SPG11: variants seen among roughly 807,000 people sequenced by gnomAD.
The protein encoded by SPG11 is spatacsin.
A neutral mutation model predicts 274.0 loss-of-function variants in SPG11; 222 were observed. The ratio of observed to expected loss-of-function variants is 0.81; its 90% CI spans 0.73 to 0.91. The LOEUF (loss-of-function observed/expected upper bound fraction) is 0.91. Ranked by LOEUF, SPG11 falls within the 40% of genes least tolerant of loss-of-function variation. SPG11 has a pLI of 0.00. For missense variants in SPG11, 3,114 were observed against 2,872.7 expected (o/e 1.08, Z -1.92); for synonymous variants, 1,144 against 1,039.7 (o/e 1.10, Z -1.93).
At chr15:44,579,429 A>C (rs568217653) in intron 30 of SPG11, among the ~76,000 whole-genome samples, 11 of 150,292 alleles carry the variant, frequency 7.3e-5, no homozygotes, top group Admixed American at 6.7e-5. Context: ...CGGGAGGCTG[A>C]GACAGGAGAA....
At chr15:44,621,482 CTA>C (rs1327852685) in intron 14 of SPG11, 1 of 413,752 alleles carries the variant, frequency 2.4e-6, no homozygotes, top group African/African-American at 2.0e-5. Flanking sequence ...AAGCTCAAGA[CTA>C]TTTGAAAAAA....
chr15:44,606,584 G>T (rs2083323775), intron 19 of SPG11, among the ~76,000 whole-genome samples: 1 of 152,148 alleles, frequency 6.6e-6, no homozygotes, highest in Non-Finnish European at 1.5e-5. Context: ...GGACCAAGGT[G>T]AAGTCAATCA....
chr15:44,592,611 G>A (rs2082931204), intron 26 of SPG11, among the ~76,000 whole-genome samples, 173 bp from the exon 27 acceptor site: 2 of 152,120 alleles, frequency 1.3e-5, no homozygotes, highest in South Asian at 4.1e-4. Flanking sequence ...CTAAGGCCAG[G>A]AGTTCGAGAC....
At chr15:44,625,817 T>C (rs555972955) in intron 11 of SPG11, among the ~76,000 whole-genome samples, 1 of 152,270 alleles carries the variant, frequency 6.6e-6, no homozygotes, top group African/African-American at 2.4e-5. Context: ...GTAGATGGGA[T>C]TACAGGCGCC....
chr15:44,644,392 C>T (rs2084546663), intron 7 of SPG11, among the ~76,000 whole-genome samples: 1 of 152,078 alleles, frequency 6.6e-6, no homozygotes, highest in Non-Finnish European at 1.5e-5. Context: ...GTTAAAAACC[C>T]TCAACAAACT....
chr15:44,602,051 T>C (rs2083205425), intron 20 of SPG11, among the ~76,000 whole-genome samples: 1 of 152,252 alleles, frequency 6.6e-6, no homozygotes, highest in South Asian at 2.1e-4. Context: ...AACACTGATT[T>C]TTGTATGTTG....
At chr15:44,660,253 A>G (rs1420003369) in intron 2 of SPG11, among the ~76,000 whole-genome samples, 179 bp downstream of exon 2, 2 of 152,184 alleles carry the variant, frequency 1.3e-5, no homozygotes. Flanking sequence ...TATATGACAC[A>G]AAGTACATCT....
intron 6 of SPG11, among the ~76,000 whole-genome samples, chr15:44,650,604 C>T (rs1215898727): frequency 2.7e-5 from 4 of 145,716 alleles, no homozygotes; most frequent in South Asian, 2.2e-4. Context: ...CCAGCCTGGG[C>T]GACAGAGTGA....
At chr15:44,622,900 T>C in intron 11 of SPG11, 101 bp from the exon 12 acceptor site, 1 of 859,750 alleles carries the variant, frequency 1.2e-6, no homozygotes, top group Non-Finnish European at 2.0e-6. Context: ...TATAAACATC[T>C]ATCTTGTTAG....
At chr15:44,610,222 A>T (rs1224216441) in intron 18 of SPG11, among the ~76,000 whole-genome samples, 2 of 143,350 alleles carry the variant, frequency 1.4e-5, no homozygotes, top group African/African-American at 2.6e-5. Context: ...TAATTTTTAA[A>T]TTTTTTTTTT....
At position 44,595,399 on chromosome 15, in the gene SPG11, C is replaced by T. The variant is rs1482181751; in HGVS notation, c.4495G>A (p.Ala1499Thr). The T allele has an allele frequency of 6.2e-7, 1 of 1,614,082 alleles. No homozygotes were observed. Among genetic ancestry groups the T allele is most frequent in the Non-Finnish European group, 8.5e-7 (1 of 1,180,050 alleles). ...TGAATGTGTCCCATTGCTTCAGTTG[C>T]AACATTGTCCTCCACAGAAGTGATG... ...WIITSVEDNV[A>T]TEAMGHIQDS... The change falls in exon 26 of 40, where the codon GCA becomes ACA. Residue 1499 changes from alanine to threonine, a missense_variant. By Grantham distance (58) the Ala-to-Thr change is moderately conservative. Transcript: ENST00000261866.
At chr15:44,599,298 T>C (rs2083123791) in intron 21 of SPG11, among the ~76,000 whole-genome samples, 1 of 152,124 alleles carries the variant, frequency 6.6e-6, no homozygotes, top group Admixed American at 6.6e-5. Context: ...CTATTTTTTA[T>C]TTTTATTATT....
At chr15:44,630,534 G>C (rs924683828) in intron 8 of SPG11, among the ~76,000 whole-genome samples, 1 of 152,184 alleles carries the variant, frequency 6.6e-6, no homozygotes, top group South Asian at 2.1e-4. Context: ...GGCAATTCAA[G>C]AAAGAGGAGA....
intron 30 of SPG11, among the ~76,000 whole-genome samples, chr15:44,576,412 G>A (rs1464461626): frequency 2.0e-5 from 3 of 151,776 alleles, no homozygotes; most frequent in Non-Finnish European, 4.4e-5. Flanking sequence ...ACTTTGGGAG[G>A]CTGAGGTGGG....
intron 19 of SPG11, among the ~76,000 whole-genome samples, chr15:44,606,854 A>G (rs545405599): frequency 6.6e-6 from 1 of 152,236 alleles, no homozygotes; most frequent in Non-Finnish European, 1.5e-5. Context: ...AAAGAGCAAC[A>G]TGAAACCACT....
intron 1 of SPG11, among the ~76,000 whole-genome samples, chr15:44,662,004 C>G (rs1327801630): frequency 1.3e-5 from 2 of 152,164 alleles, no homozygotes; most frequent in Non-Finnish European, 2.9e-5. Flanking sequence ...TTTATTTCAT[C>G]TCGGTCTTAC....
At chr15:44,638,194 GCTCAC>G (rs2084333477) in intron 7 of SPG11, among the ~76,000 whole-genome samples, 1 of 152,212 alleles carries the variant, frequency 6.6e-6, no homozygotes, top group Non-Finnish European at 1.5e-5. Context: ...GGGTGTGGTG[GCTCAC>G]GCCTGTAATC....
intron 7 of SPG11, among the ~76,000 whole-genome samples, chr15:44,639,641 GC>G: frequency 6.6e-6 from 1 of 152,042 alleles, no homozygotes; most frequent in Non-Finnish European, 1.5e-5. Context: ...GGCGGAGGCT[GC>G]AGTGAGCCAG....
At chr15:44,594,899 C>T (rs1025088005) in intron 26 of SPG11, among the ~76,000 whole-genome samples, 21 of 152,350 alleles carry the variant, frequency 1.4e-4, no homozygotes, top group African/African-American at 4.8e-4. Context: ...TCACTGCAAC[C>T]TCCACCTCCC....
Sources: allele counts gnomAD v4.1 joint callset (sites outside exome capture counted in the v4.1 genomes callset), GRCh38; gene constraint gnomAD v4.1.1; transcripts MANE v1.5; gene names NCBI Gene and HGNC (gene_info 2026-07-23, HGNC 2026-07-21).